The following SOX30 variants were observed in gnomAD, a reference collection of about 807,000 sequenced individuals.
SOX30 encodes the protein SRY-box transcription factor 30, also known as transcription factor SOX-30.
Under a neutral mutation model 58.6 loss-of-function variants are expected in SOX30, and 17 were observed. The ratio of observed to expected loss-of-function variants is 0.29; its 90% CI spans 0.20 to 0.44. SOX30 has a LOEUF of 0.44. SOX30 is among the 20% of genes least tolerant of loss of function. The pLI is 1.00. For synonymous variants in SOX30, 421 were observed against 400.2 expected (o/e 1.05, Z -0.62); for missense variants, 951 against 965.8 (o/e 0.98, Z 0.20).
rs527293982 is a variant in SOX30, at chr5:157,651,792, G to A, written c.287C>T (p.Ala96Val). 31 of 1,574,700 alleles carry A rather than the reference G, an allele frequency of 2.0e-5. No individual in the cohort carries two copies. In the East Asian group the frequency reaches 5.3e-4, roughly 27 times the overall value. ...CCTGAACTGCAACAGCCGCGCCTGC[G>A]CGGACGAGGCAGCGGCTTCCTCGTT... ...AQNEEAAASS[A>V]QARLLQFRPD... Residue 96 changes from alanine to valine, a missense_variant, in exon 1 of 5, where the codon GCG becomes GTG. This residue lies in a region of SOX30 where 363 missense variants were observed against 294.5 expected (regional missense o/e 1.23). Coordinates refer to ENST00000265007, the MANE Select transcript of SOX30 (RefSeq NM_178424.2).
chr5:157,643,637 T>C (rs1759121784), intron 3 of SOX30, among the ~76,000 whole-genome samples: 1 of 152,126 alleles, frequency 6.6e-6, no homozygotes, highest in Admixed American at 6.5e-5. Context: ...TACAGTACGA[T>C]ATTAATGCAC....
At chr5:157,666,579 G>A (rs1480396586) in intron 2 of SOX30, among the ~76,000 whole-genome samples, 7 of 150,692 alleles carry the variant, frequency 4.6e-5, no homozygotes, top group African/African-American at 4.9e-5. Flanking sequence ...CATCAAAATC[G>A]TTAGCATATT....
intron 4 of SOX30, among the ~76,000 whole-genome samples, chr5:157,628,365 T>TCACACACACACACACACACA (rs70984476): frequency 4.4e-4 from 61 of 139,596 alleles, no homozygotes; most frequent in African/African-American, 1.4e-3. Flanking sequence ...TTTCTGGCCT[T>TCACACACACACACACACACA]CACACACACA....
chr5:157,650,982 C>T, intron 1 of SOX30, 130 bp downstream of exon 1: 1 of 675,650 alleles, frequency 1.5e-6, no homozygotes, highest in Non-Finnish European at 2.5e-6. Context: ...GATACCTGTG[C>T]AGACTCTGCC....
upstream of SOX30, among the ~76,000 whole-genome samples, chr5:157,654,430 CT>C (rs1478655184): frequency 1.3e-5 from 2 of 152,198 alleles, no homozygotes; most frequent in Non-Finnish European, 2.9e-5. Flanking sequence ...CTAGCTGACT[CT>C]GTAAGTGTCA....
rs1298313236 is a variant in SOX30, at chr5:157,642,490, T to C, written c.1388-3768A>G. ...AATCTACGCTGGGGTTATTCAATTT[T>C]TGGAATATTGATATTGGCTAGGGAA... is the stretch of plus-strand genomic sequence containing the variant. On this transcript the variant is annotated intron_variant, in intron 3 of 4. Coordinates refer to ENST00000265007, the MANE Select transcript of SOX30 (RefSeq NM_178424.2). Among the ~76,000 whole-genome samples, 6 of 152,164 alleles carry C rather than the reference T, an allele frequency of 3.9e-5. No homozygotes were observed. In the South Asian group the frequency reaches 8.3e-4, roughly 21 times the overall value.
At chr5:157,653,315 A>C (rs1759408083), upstream of SOX30, among the ~76,000 whole-genome samples, 1 of 150,198 alleles carries the variant, frequency 6.7e-6, no homozygotes, top group Admixed American at 6.6e-5. Flanking sequence ...ATTTGTAATT[A>C]GAATTTTCAT....
intron 4 of SOX30, among the ~76,000 whole-genome samples, chr5:157,631,462 T>TG (rs1758806139): frequency 6.6e-6 from 1 of 152,170 alleles, no homozygotes; most frequent in Admixed American, 6.5e-5. Context: ...TTTCAGGTCT[T>TG]GCTTTTAAGA....
chr5:157,661,007 G>T (rs571659454), intron 2 of SOX30, among the ~76,000 whole-genome samples: 1 of 152,198 alleles, frequency 6.6e-6, no homozygotes, highest in Non-Finnish European at 1.5e-5. Flanking sequence ...TCAGTGTACT[G>T]TCCTGTACTT....
At position 157,630,977 on chromosome 5, in the gene SOX30, T is replaced by A. The variant is rs990576621; in HGVS notation, c.1881-4256A>T. On this transcript the variant is annotated intron_variant, in intron 4 of 4. Coordinates refer to ENST00000265007, the MANE Select transcript of SOX30 (RefSeq NM_178424.2). Reference sequence around the variant, plus strand: ...TTGTATATATATACACTATATATTTTTATATATATACTATATATATTTTTT... The same window carrying A: ...TTGTATATATATACACTATATATTTATATATATATACTATATATATTTTTT... 5.5e-5 allele frequency among the ~76,000 whole-genome samples: 7 copies of A among 127,842 alleles called. No individual in the cohort carries two copies. The South Asian group carries it at 1.6e-3, about 29-fold the overall frequency. 83.9% of individuals were successfully genotyped at this position (127,842 alleles called of 152,430 possible).
intron 3 of SOX30, 97 bp downstream of exon 3, chr5:157,646,540 C>T (rs1759197624): frequency 1.1e-6 from 1 of 889,524 alleles, no homozygotes; most frequent in South Asian, 1.9e-5. Context: ...ATTGTTGTTC[C>T]AAATTCTTAA....
In SOX30 at chr5:157,626,237, G is replaced by T; in HGVS notation, c.*103C>A. 1.8e-6 allele frequency: 2 copies of T among 1,123,376 alleles called. No individual in the cohort carries two copies. The highest frequency in any genetic ancestry group is 2.6e-5 in the East Asian group (1 of 38,532). The allele number at this position is 1,123,376 out of a possible 1,614,324, so 69.6% of individuals were successfully genotyped here. A position where few individuals can be genotyped will look rare whatever the true frequency, so the allele number is the denominator to read the frequency against. On this transcript the variant is annotated 3_prime_UTR_variant, in exon 5 of 5. Coordinates refer to ENST00000265007, the MANE Select transcript of SOX30 (RefSeq NM_178424.2). Reference sequence around the variant, plus strand: ...GGTTTTAACTCCTCAAATCACGACTGAAAACTTTCAACAAAGAATTCTAGG... The same window carrying T: ...GGTTTTAACTCCTCAAATCACGACTTAAAACTTTCAACAAAGAATTCTAGG...
chr5:157,646,893 A>T, intron 2 of SOX30, 77 bp from the exon 3 acceptor site: 2 of 1,054,532 alleles, frequency 1.9e-6, no homozygotes, highest in Non-Finnish European at 2.9e-6. Context: ...TAAAATGCAA[A>T]GCACTTTAAA....
At chr5:157,627,156 G>A (rs999956362) in intron 4 of SOX30, among the ~76,000 whole-genome samples, 4 of 152,208 alleles carry the variant, frequency 2.6e-5, no homozygotes, top group African/African-American at 4.8e-5. Flanking sequence ...GAGGTCAAGA[G>A]ATAGAGATCA....
chr5:157,663,773 A>G lies in SOX30; in HGVS notation c.52+4025T>C, dbSNP rs983634965. Among the ~76,000 whole-genome samples, 6 of 152,216 alleles carry G rather than the reference A, an allele frequency of 3.9e-5. No homozygotes were observed. The South Asian group carries it at 1.2e-3, about 32-fold the overall frequency. On this transcript the variant is annotated intron_variant, in intron 2 of 5. Transcript: ENST00000519442. Reference sequence around the variant, plus strand: ...AGCAAAGTCTCAGGATACAAAATCAATGTTGAGAAATCACGAGCATTCCTA... The same window carrying G: ...AGCAAAGTCTCAGGATACAAAATCAGTGTTGAGAAATCACGAGCATTCCTA...
rs6875419 is a variant in SOX30 at position 157,636,850 on chromosome 5, G to A, written c.1880+1380C>T. 4.1e-3 allele frequency among the ~76,000 whole-genome samples: 627 copies of A among 152,184 alleles called. 3 individuals carry two copies. Among genetic ancestry groups the A allele is most frequent in the African/African-American group, 0.013 (547 of 41,544 alleles). On this transcript the variant is annotated intron_variant, in intron 4 of 4. Coordinates refer to ENST00000265007, the MANE Select transcript of SOX30 (RefSeq NM_178424.2). ...GTAATTGAAAAGTAAAGGCTAGGCC[G>A]GGAATGGTGGTTCACGCATGTAATC...
Position 157,638,607 on chromosome 5 carries a change from A to T in SOX30, c.1503T>A (p.Ser501Arg). Residue 501 changes from serine to arginine, a missense_variant, in exon 4 of 5, where the codon AGT becomes AGA. Physicochemically the swap from Ser to Arg is moderately radical, Grantham distance 110. Around this residue, in one of 7 missense-constraint regions of SOX30, gnomAD observed 381 missense variants for 390.0 expected, o/e 0.98. Transcript: ENST00000265007. Reference protein sequence around the residue: ...SAAQVAVQDPSLPVYPALPPQ... With the variant: ...SAAQVAVQDPRLPVYPALPPQ... Reference sequence around the variant, plus strand: ...GTGGGAGTGCTGGATAGACAGGTAGACTTGGATCCTGGACAGCCACCTGAG... The same window carrying T: ...GTGGGAGTGCTGGATAGACAGGTAGTCTTGGATCCTGGACAGCCACCTGAG... 1.2e-6 allele frequency: 2 copies of T among 1,614,134 alleles called. No homozygotes were observed. The highest frequency in any genetic ancestry group is 2.2e-5 in the South Asian group (2 of 91,078).
In SOX30 at chr5:157,647,342, G is replaced by C. The variant is rs10066844; in HGVS notation, c.1208-526C>G. Among the ~76,000 whole-genome samples the C allele has an allele frequency of 4.8e-3, 733 of 152,194 alleles. 3 individuals are homozygous for C. The highest frequency in any genetic ancestry group is 0.017 in the African/African-American group (691 of 41,516). ...TCCCAAAGGCTGGGATTACAGGCGA[G>C]AGCCACTGCGCCTGGCCAAGGGTCA... On this transcript the variant is annotated intron_variant, in intron 2 of 4. Coordinates refer to ENST00000265007, the MANE Select transcript of SOX30 (RefSeq NM_178424.2).
At chr5:157,636,787 C>T (rs1009582100) in intron 4 of SOX30, among the ~76,000 whole-genome samples, 1 of 152,060 alleles carries the variant, frequency 6.6e-6, no homozygotes. Flanking sequence ...TTAATACTCC[C>T]GTCTCAACAG....
Sources: allele counts gnomAD v4.1 joint callset (sites outside exome capture counted in the v4.1 genomes callset), GRCh38; gene constraint gnomAD v4.1.1; regional missense constraint gnomAD v4.1.1; transcripts MANE v1.5; gene names NCBI Gene and HGNC (gene_info 2026-07-23, HGNC 2026-07-21).